COL4A4: variants seen among roughly 807,000 people sequenced by gnomAD.
COL4A4 encodes the protein collagen alpha-4(IV) chain.
A neutral mutation model predicts 192.9 loss-of-function variants in COL4A4; 105 were observed. The ratio of observed to expected loss-of-function variants is 0.54; its 90% CI spans 0.46 to 0.64. The LOEUF (loss-of-function observed/expected upper bound fraction) is 0.64, where lower values mean the gene tolerates loss of function less well. Among genes scored for constraint, COL4A4 ranks in the 30% least tolerant of loss-of-function variants. The pLI is 0.00. For missense variants in COL4A4, 1,967 were observed against 2,169.3 expected (o/e 0.91, Z 1.85); for synonymous variants, 762 against 769.9 (o/e 0.99, Z 0.17).
intron 35 of COL4A4, 118 bp from the exon 36 acceptor site, chr2:227,043,302 C>A: frequency 1.2e-6 from 1 of 854,830 alleles, no homozygotes; most frequent in African/African-American, 1.7e-5. Flanking sequence ...TAAATAGTTT[C>A]TATTGGAAAG....
chr2:227,075,239 C>T (rs2058957065), intron 25 of COL4A4, among the ~76,000 whole-genome samples: 1 of 152,126 alleles, frequency 6.6e-6, no homozygotes, highest in African/African-American at 2.4e-5. Flanking sequence ...AACCTTAATG[C>T]AAAAACCCTC....
chr2:227,028,341 G>C (rs564051885), intron 41 of COL4A4, among the ~76,000 whole-genome samples: 1 of 152,242 alleles, frequency 6.6e-6, no homozygotes, highest in Admixed American at 6.5e-5. Context: ...CAATATCCGG[G>C]AACAACGTGC....
chr2:227,026,809 C>T (rs1052830915), intron 42 of COL4A4, among the ~76,000 whole-genome samples: 1 of 151,732 alleles, frequency 6.6e-6, no homozygotes. Context: ...TTCCTAGGAA[C>T]GAATGGAATT....
At chr2:227,140,084 G>A in intron 4 of COL4A4, 77 bp downstream of exon 4, 1 of 1,326,768 alleles carries the variant, frequency 7.5e-7, no homozygotes, top group Non-Finnish European at 1.1e-6. Flanking sequence ...CCAAGAATCT[G>A]GGATTACTTT....
chr2:227,074,300 TACTC>T (rs1189801635), intron 25 of COL4A4, among the ~76,000 whole-genome samples: 1 of 151,910 alleles, frequency 6.6e-6, no homozygotes, highest in East Asian at 1.9e-4. Flanking sequence ...TGTGAAAAAA[TACTC>T]AACATCACTA....
Position 227,094,115 on chromosome 2 carries a change from A to C in COL4A4, c.1369+10T>G, listed in dbSNP as rs2060083691. The C allele has an allele frequency of 2.5e-6, 4 of 1,612,314 alleles. No individual in the cohort carries two copies. Among genetic ancestry groups the C allele is most frequent in the Non-Finnish European group, 3.4e-6 (4 of 1,178,632 alleles). Reference sequence around the variant, plus strand: ...TAAATGCTAATGGATATGAATAAGGAGTACTTTACCACTTGATCCTGGGAG... The same window carrying C: ...TAAATGCTAATGGATATGAATAAGGCGTACTTTACCACTTGATCCTGGGAG... On this transcript the variant is annotated intron_variant, in intron 20 of 47. Transcript: ENST00000396625.
chr2:227,147,688 T>C (rs959267308), intron 1 of COL4A4, 104 bp from the exon 2 acceptor site: 3 of 508,120 alleles, frequency 5.9e-6, no homozygotes, highest in Admixed American at 3.0e-5. Flanking sequence ...AAAGGGTAAC[T>C]TCAACAATCT....
chr2:227,023,998 C>G (rs866447184), intron 43 of COL4A4, among the ~76,000 whole-genome samples: 4 of 122,558 alleles, frequency 3.3e-5, no homozygotes, highest in Admixed American at 1.7e-4. Flanking sequence ...GAGCAAGACT[C>G]TGTCTCAAAA....
chr2:227,084,083 A>G (rs965707606), intron 22 of COL4A4, among the ~76,000 whole-genome samples: 20 of 152,360 alleles, frequency 1.3e-4, no homozygotes, highest in Middle Eastern at 3.4e-3. Context: ...GGTGGGTAGA[A>G]CAAATTTCTT....
chr2:227,120,447 G>T (rs534957000), intron 5 of COL4A4, among the ~76,000 whole-genome samples: 2 of 152,140 alleles, frequency 1.3e-5, no homozygotes, highest in African/African-American at 4.8e-5. Context: ...TCAGTGTGAT[G>T]CATATAATTA....
chr2:226,984,968 T>G, the COL4A4 span, among the ~76,000 whole-genome samples: 3 of 148,894 alleles, frequency 2.0e-5, no homozygotes, highest in Non-Finnish European at 3.0e-5. Flanking sequence ...AAGAGGAGGA[T>G]TGGGGGCAAG....
chr2:227,113,275 A>T (rs1477567994), intron 8 of COL4A4, among the ~76,000 whole-genome samples: 12 of 151,966 alleles, frequency 7.9e-5, no homozygotes, highest in African/African-American at 2.9e-4. Flanking sequence ...GTGGATATAG[A>T]CTCTTAAGAG....
rs2059658571 is a variant in COL4A4 at position 227,087,332 on chromosome 2, A to C, written c.1623+1321T>G. On this transcript the variant is annotated intron_variant, in intron 22 of 47. Coordinates refer to ENST00000396625, the MANE Select transcript of COL4A4 (RefSeq NM_000092.5). ...GAATCCTTAAGTTGAATATCATCCT[A>C]CTGCCTACTTGACTTCTTGACTTGA... Among the ~76,000 whole-genome samples, 4 of 152,192 alleles carry C rather than the reference A, an allele frequency of 2.6e-5. No homozygotes were observed. The South Asian group carries it at 8.3e-4, about 32-fold the overall frequency.
In COL4A4 at chr2:227,109,421, C is replaced by T. The variant is rs1297913663; in HGVS notation, c.595-135G>A. ...CACCAGCACATCTGCCCTGCTAGGA[C>T]ATTTTCAACAGCAGCTTTGATGCAG... On this transcript the variant is annotated intron_variant, in intron 9 of 47. Transcript: ENST00000396625. The T allele has an allele frequency of 6.4e-6, 5 of 777,750 alleles. No individual in the cohort carries two copies. In the South Asian group the frequency reaches 7.0e-5, roughly 11 times the overall value. The allele number at this position is 777,750 out of a possible 1,614,324, so 48.2% of individuals were successfully genotyped here. A position where few individuals can be genotyped will look rare whatever the true frequency, so the allele number is the denominator to read the frequency against.
intron 3 of COL4A4, among the ~76,000 whole-genome samples, chr2:227,141,381 C>A (rs2063198759): frequency 6.6e-6 from 1 of 152,060 alleles, no homozygotes; most frequent in Non-Finnish European, 1.5e-5. Context: ...TATTTATAGT[C>A]CCATGGAAGA....
intron 22 of COL4A4, 122 bp downstream of exon 22, chr2:227,088,531 G>A (rs1329645545): frequency 2.3e-6 from 3 of 1,306,228 alleles, no homozygotes; most frequent in Non-Finnish European, 3.3e-6. Context: ...AGAACTGCGA[G>A]TCAATTAAAC....
Position 227,051,018 on chromosome 2 carries a change from G to A in COL4A4, c.3109C>T (p.Leu1037=). ...CCTGGAAAACCAATGAACCCTCTTA[G>A]ACCAGTTGAGCCTGGAGGGCCTGGG... The part of the protein sequence containing the change: ...GPPGPPGSTG[L]RGFIGFPGLP... Residue 1037 remains leucine (L), a synonymous_variant, in exon 33 of 48, where the codon CTA becomes TTA. Coordinates refer to ENST00000396625, the MANE Select transcript of COL4A4 (RefSeq NM_000092.5). 5 of 1,614,180 alleles carry A rather than the reference G, an allele frequency of 3.1e-6. No individual in the cohort carries two copies. The highest frequency in any genetic ancestry group is 4.2e-6 in the Non-Finnish European group (5 of 1,180,030).
At chr2:227,144,944 A>C (rs1475120306) in intron 2 of COL4A4, among the ~76,000 whole-genome samples, 1 of 152,200 alleles carries the variant, frequency 6.6e-6, no homozygotes, top group African/African-American at 2.4e-5. Flanking sequence ...AGTGTATCCC[A>C]TAATGCCATT....
chr2:227,120,541 A>G (rs139552127), intron 5 of COL4A4, among the ~76,000 whole-genome samples: 2 of 152,174 alleles, frequency 1.3e-5, no homozygotes, highest in Non-Finnish European at 2.9e-5. Flanking sequence ...CCAGAAGAGC[A>G]TGCTCCTCTG....
Sources: allele counts gnomAD v4.1 joint callset (sites outside exome capture counted in the v4.1 genomes callset), GRCh38; gene constraint gnomAD v4.1.1; transcripts MANE v1.5; gene names NCBI Gene and HGNC (gene_info 2026-07-23, HGNC 2026-07-21).